The following NBEA variants were observed in gnomAD, a reference collection of about 807,000 sequenced individuals.
NBEA encodes lysosomal-trafficking regulator 2.
NBEA carries 44 observed loss-of-function variants against 343.4 expected under a neutral mutation model. The observed-to-expected ratio is 0.13, with a 90% CI of 0.10 to 0.16. The LOEUF (loss-of-function observed/expected upper bound fraction) is 0.16, where lower values mean the gene tolerates loss of function less well. NBEA is among the 10% of genes least tolerant of loss of function. The probability of loss-of-function intolerance (pLI) is 1.00; values close to 1 mark genes in which losing one functional copy is unlikely to be tolerated. For missense variants in NBEA, 2,555 were observed against 3,631.3 expected (o/e 0.70, Z 7.62); for synonymous variants, 1,175 against 1,238.7 (o/e 0.95, Z 1.08).
chr13:35,601,536 G>A (rs1485502290), intron 47 of NBEA, among the ~76,000 whole-genome samples: 1 of 152,068 alleles, frequency 6.6e-6, no homozygotes, highest in African/African-American at 2.4e-5. Flanking sequence ...GGCTGAGGTA[G>A]GCAGATCACG....
At chr13:35,167,239 TAAACA>T (rs1566398112) in intron 24 of NBEA, among the ~76,000 whole-genome samples, 1 of 151,994 alleles carries the variant, frequency 6.6e-6, no homozygotes, top group African/African-American at 2.4e-5. Context: ...AGACAATACA[TAAACA>T]AATATTTTTT....
At chr13:35,058,658 G>A in intron 7 of NBEA, 59 bp from the exon 8 acceptor site, 1 of 1,371,730 alleles carries the variant, frequency 7.3e-7, no homozygotes. Context: ...CCGATTTAAG[G>A]ATTTAAACCT....
intron 37 of NBEA, among the ~76,000 whole-genome samples, chr13:35,350,244 G>A (rs761188578): frequency 6.6e-6 from 1 of 152,118 alleles, no homozygotes; most frequent in African/African-American, 2.4e-5. Context: ...ATTTTCAAGT[G>A]GCTAGATATT....
At chr13:35,414,391 T>C (rs1005109782) in intron 38 of NBEA, among the ~76,000 whole-genome samples, 1 of 142,194 alleles carries the variant, frequency 7.0e-6, no homozygotes, top group African/African-American at 2.5e-5. Context: ...TCCCCCCACC[T>C]CACGACAGGC....
At chr13:35,059,488 A>G (rs1467266271) in intron 8 of NBEA, among the ~76,000 whole-genome samples, 1 of 151,918 alleles carries the variant, frequency 6.6e-6, no homozygotes, top group Admixed American at 6.6e-5. Flanking sequence ...CTAGGGGAGT[A>G]TATAAGGGTT....
Position 35,070,121 on chromosome 13 carries a change from C to T in NBEA, c.1437+16C>T. ...AATGCTTCAGGTGGGTGAATCGTGG[C>T]TTTGTTTTCATGTTCTTGTCAGAAT... is the stretch of plus-strand genomic sequence containing the variant. On this transcript the variant is annotated intron_variant, in intron 9 of 58. Transcript: ENST00000379939. 2 of 1,471,088 alleles carry T rather than the reference C, an allele frequency of 1.4e-6. No individual in the cohort carries two copies. The highest frequency in any genetic ancestry group is 1.8e-6 in the Non-Finnish European group (2 of 1,101,184). 91.1% of individuals were successfully genotyped at this position (1,471,088 alleles called of 1,614,324 possible). A position where few individuals can be genotyped will look rare whatever the true frequency, so the allele number is the denominator to read the frequency against.
At chr13:35,529,319 C>T (rs2078139997) in intron 41 of NBEA, among the ~76,000 whole-genome samples, 1 of 152,096 alleles carries the variant, frequency 6.6e-6, no homozygotes, top group Non-Finnish European at 1.5e-5. Context: ...TGATTTATGA[C>T]TTTTAAAGTA....
intron 1 of NBEA, among the ~76,000 whole-genome samples, chr13:34,955,313 T>G (rs1189644433): frequency 1.3e-5 from 2 of 151,964 alleles, no homozygotes; most frequent in African/African-American, 4.8e-5. Context: ...GTCAAGATAC[T>G]TCTTGGGTAC....
chr13:35,051,609 A>G (rs2063068054), intron 6 of NBEA, among the ~76,000 whole-genome samples: 1 of 152,020 alleles, frequency 6.6e-6, no homozygotes, highest in South Asian at 2.1e-4. Context: ...CTGAATAAAT[A>G]TATTCATTCA....
intron 8 of NBEA, among the ~76,000 whole-genome samples, chr13:35,061,913 C>T (rs1593225084): frequency 2.0e-5 from 3 of 151,454 alleles, no homozygotes; most frequent in African/African-American, 4.8e-5. Flanking sequence ...GGACTGATAT[C>T]CTTATTTTTT....
At chr13:35,207,428 A>G (rs190959106) in intron 31 of NBEA, among the ~76,000 whole-genome samples, 1 of 152,268 alleles carries the variant, frequency 6.6e-6, no homozygotes, top group African/African-American at 2.4e-5. Context: ...AAAATAGATC[A>G]TAAATCTATT....
intron 41 of NBEA, among the ~76,000 whole-genome samples, chr13:35,509,813 A>G (rs2077207624): frequency 6.6e-6 from 1 of 152,212 alleles, no homozygotes; most frequent in Admixed American, 6.5e-5. Context: ...GGTCAGCTAG[A>G]TAGGGACTGA....
At chr13:35,597,109 A>G (rs184642025) in intron 47 of NBEA, among the ~76,000 whole-genome samples, 66 of 152,310 alleles carry the variant, frequency 4.3e-4, no homozygotes, top group Non-Finnish European at 7.8e-4. Context: ...CTATCATTCT[A>G]AGACATACTT....
At chr13:35,421,331 C>A (rs924701262) in intron 38 of NBEA, among the ~76,000 whole-genome samples, 58 of 151,548 alleles carry the variant, frequency 3.8e-4, no homozygotes, top group Non-Finnish European at 1.8e-4. Context: ...TTAGTATATC[C>A]CTTTGTGTAG....
intron 56 of NBEA, among the ~76,000 whole-genome samples, chr13:35,666,291 A>G (rs1331308152): frequency 6.6e-6 from 1 of 152,070 alleles, no homozygotes; most frequent in Non-Finnish European, 1.5e-5. Flanking sequence ...GGCTGGCACC[A>G]TGTTTTTAAA....
intron 48 of NBEA, among the ~76,000 whole-genome samples, chr13:35,619,860 C>T (rs1360655294): frequency 6.6e-6 from 1 of 152,136 alleles, no homozygotes; most frequent in African/African-American, 2.4e-5. Context: ...TTACTGAGAG[C>T]TAGTTATGAG....
At chr13:35,411,821 C>G (rs1254797286) in intron 38 of NBEA, among the ~76,000 whole-genome samples, 3 of 151,970 alleles carry the variant, frequency 2.0e-5, no homozygotes, top group Non-Finnish European at 4.4e-5. Flanking sequence ...AGTCATCCAT[C>G]AACACCTGTG....
At chr13:35,352,615 C>T (rs1216806088) in intron 38 of NBEA, among the ~76,000 whole-genome samples, 1 of 151,880 alleles carries the variant, frequency 6.6e-6, no homozygotes, top group Non-Finnish European at 1.5e-5. Flanking sequence ...TCATATGTAA[C>T]ATGGATGTTT....
chr13:35,169,642 A>C (rs2070314070), intron 25 of NBEA, among the ~76,000 whole-genome samples: 1 of 151,754 alleles, frequency 6.6e-6, no homozygotes. Context: ...ATTTGTGAAC[A>C]CAGATCTAGA....
Sources: gnomAD v4.1 joint callset for allele counts (sites outside exome capture counted in the v4.1 genomes callset) on GRCh38, gnomAD v4.1.1 for gene constraint, MANE v1.5 for transcripts, NCBI Gene and HGNC (gene_info 2026-07-23, HGNC 2026-07-21) for gene names.